SOS2: variants seen among roughly 807,000 people sequenced by gnomAD.
SOS2 encodes the protein son of sevenless homolog 2.
Under a neutral mutation model 148.2 loss-of-function variants are expected in SOS2, and 65 were observed. The observed-to-expected ratio is 0.44, with a 90% confidence interval of 0.36 to 0.54. The LOEUF (loss-of-function observed/expected upper bound fraction) is 0.54. Among genes scored for constraint, SOS2 ranks in the 20% least tolerant of loss-of-function variants. SOS2 has a pLI of 0.00. For synonymous variants in SOS2, 539 were observed against 537.1 expected (o/e 1.00, Z -0.05); for missense variants, 1,341 against 1,590.2 (o/e 0.84, Z 2.67).
At chr14:50,212,470 C>T (rs1052384421) in intron 1 of SOS2, among the ~76,000 whole-genome samples, 13 of 152,160 alleles carry the variant, frequency 8.5e-5, no homozygotes, top group African/African-American at 2.9e-4. Flanking sequence ...GAGACTCCGT[C>T]TCAAAAAGAA....
intron 21 of SOS2, among the ~76,000 whole-genome samples, chr14:50,121,527 GGGGA>G (rs201629812): frequency 0.44 from 29,903 of 68,280 alleles, 7,238 homozygotes; most frequent in East Asian, 0.66. Flanking sequence ...TTACTTCCTG[GGGGA>G]GGGGGGGGAG....
In SOS2 at chr14:50,205,344, C is replaced by A. The variant is rs189265097; in HGVS notation, c.88-935G>T. The stretch of plus-strand genomic sequence containing the variant: ...TGAGATTATAGCATGAGCCACTGCA[C>A]CCAGCCTGCTTTAACTTTTTATGCC... On this transcript the variant is annotated intron_variant, in intron 1 of 22. Coordinates refer to ENST00000216373, the MANE Select transcript of SOS2 (RefSeq NM_006939.4). 1.1e-4 allele frequency among the ~76,000 whole-genome samples: 17 copies of A among 152,242 alleles called. No homozygotes were observed. The East Asian group carries it at 3.1e-3, about 28-fold the overall frequency.
At chr14:50,125,662 A>G (rs1469907221) in intron 21 of SOS2, among the ~76,000 whole-genome samples, 1 of 152,160 alleles carries the variant, frequency 6.6e-6, no homozygotes, top group Admixed American at 6.5e-5. Context: ...AGAACCAAAT[A>G]AGGATTCAGG....
chr14:50,228,716 T>C (rs1397059488), intron 1 of SOS2, among the ~76,000 whole-genome samples: 1 of 152,220 alleles, frequency 6.6e-6, no homozygotes, highest in Non-Finnish European at 1.5e-5. Context: ...CTTACTGAAC[T>C]CTGAGCTCAG....
In SOS2 at chr14:50,150,030, G is replaced by C. The variant is rs771681478; in HGVS notation, c.2362C>G (p.Leu788Val). Residue 788 changes from leucine to valine, a missense_variant, in exon 14 of 23, where the codon CTT (leucine) becomes GTT (valine). Leu to Val is a conservative substitution (Grantham distance 32). Transcript: ENST00000216373. Reference protein sequence around the residue: ...HPIEIARQLTLLESDLYRKVQ... With the variant: ...HPIEIARQLTVLESDLYRKVQ... ...TACCTGTAAAGATCAGACTCCAAAA[G>C]TGTCAGCTGACGTGCAATTTCTATT... is the stretch of plus-strand genomic sequence containing the variant. 6.2e-7 allele frequency: 1 copy of C among 1,611,036 alleles called. No individual in the cohort carries two copies. The highest frequency in any genetic ancestry group is 1.7e-5 in the Admixed American group (1 of 60,000).
Position 50,159,956 on chromosome 14 carries a change from T to G in SOS2, c.1327A>C (p.Ile443Leu), listed in dbSNP as rs1046033964. 2 of 1,614,072 alleles carry G rather than the reference T, an allele frequency of 1.2e-6. No individual in the cohort carries two copies. The highest frequency in any genetic ancestry group is 8.5e-7 in the Non-Finnish European group (1 of 1,180,032). Residue 443 changes from isoleucine to leucine, a missense_variant, in exon 10 of 23, where the codon ATT becomes CTT. Ile to Leu is a conservative substitution (Grantham distance 5, BLOSUM62 2). Coordinates refer to ENST00000216373, the MANE Select transcript of SOS2 (RefSeq NM_006939.4). Reference sequence around the variant, plus strand: ...ATTCTTGTCAATGGTCCCTCCATAATGAATTCATTACAACACTGTCCAATA... The same window carrying G: ...ATTCTTGTCAATGGTCCCTCCATAAGGAATTCATTACAACACTGTCCAATA... ...KDIGQCCNEF[I>L]MEGPLTRIGA...
rs769199372 is a variant in SOS2, at chr14:50,134,230, C to G, written c.2968G>C (p.Glu990Gln). 1.3e-6 allele frequency: 2 copies of G among 1,495,036 alleles called. No homozygotes were observed. The highest frequency in any genetic ancestry group is 4.5e-5 in the East Asian group (2 of 44,144). The allele number at this position is 1,495,036 out of a possible 1,614,324, so 92.6% of individuals were successfully genotyped here. Residue 990 changes from glutamate (E) to glutamine (Q), a missense_variant, in exon 19 of 23, where the codon GAA (glutamate) becomes CAA (glutamine). Coordinates refer to ENST00000216373, the MANE Select transcript of SOS2 (RefSeq NM_006939.4). ...RIEPDMRRFF[E>Q]NLNPMGSASE... ...GCACTTCCCATGGGGTTAAGGTTTTCAAAGAATCTCTGGAATTAAACAAAT... is the reference window on the plus strand; with the variant it reads ...GCACTTCCCATGGGGTTAAGGTTTTGAAAGAATCTCTGGAATTAAACAAAT...
Position 50,161,212 on chromosome 14 carries a change from G to A in SOS2, c.1196+270C>T, listed in dbSNP as rs1348353912. ...GGAGGCGAAGGCAGGAGAATCATTG[G>A]AACGCAGGAGGCTAAGGCTGCAGGT... On this transcript the variant is annotated intron_variant, in intron 9 of 22. Coordinates refer to ENST00000216373, the MANE Select transcript of SOS2 (RefSeq NM_006939.4). Among the ~76,000 whole-genome samples the A allele has an allele frequency of 2.0e-5, 3 of 146,996 alleles. No individual in the cohort carries two copies. In the East Asian group the frequency reaches 6.1e-4, roughly 30 times the overall value.
At chr14:50,217,546 T>A (rs1887070706) in intron 1 of SOS2, among the ~76,000 whole-genome samples, 1 of 151,768 alleles carries the variant, frequency 6.6e-6, no homozygotes, top group Admixed American at 6.6e-5. Context: ...TTTTGAAAAT[T>A]AAAATAAATA....
chr14:50,171,114 C>CAA lies in SOS2; in HGVS notation c.1068+3338_1068+3339dup, dbSNP rs61570128. The stretch of plus-strand genomic sequence containing the variant: ...GGGCAACAAGAGTGAAACTCCATCT[C>CAA]AAAAAAAAAAAAGAAAAAGAAAAAG... On this transcript the variant is annotated intron_variant, in intron 8 of 22. Transcript: ENST00000216373. Among the ~76,000 whole-genome samples the CAA allele has an allele frequency of 9.8e-3, 1,263 of 129,400 alleles. 10 individuals are homozygous for CAA. The highest frequency in any genetic ancestry group is 0.015 in the Non-Finnish European group (914 of 59,680). 84.9% of individuals were successfully genotyped at this position (129,400 alleles called of 152,430 possible).
chr14:50,176,182 A>G (rs1309784860), intron 7 of SOS2, among the ~76,000 whole-genome samples: 2 of 152,240 alleles, frequency 1.3e-5, no homozygotes, highest in Non-Finnish European at 1.5e-5. Context: ...AGAAAGCACC[A>G]TCTATGAACC....
intron 1 of SOS2, among the ~76,000 whole-genome samples, chr14:50,227,917 TAAGC>T (rs893166445): frequency 8.5e-5 from 13 of 152,140 alleles, no homozygotes; most frequent in African/African-American, 3.1e-4. Flanking sequence ...AACTGGAAAA[TAAGC>T]AAAAGAATAC....
chr14:50,168,682 G>C (rs185553895), intron 8 of SOS2, among the ~76,000 whole-genome samples: 1 of 151,950 alleles, frequency 6.6e-6, no homozygotes. Context: ...ATGCCGTTTC[G>C]TGATACTGTT....
At chr14:50,149,512 G>A (rs991068429) in intron 14 of SOS2, among the ~76,000 whole-genome samples, 4 of 152,264 alleles carry the variant, frequency 2.6e-5, no homozygotes, top group African/African-American at 9.6e-5. Flanking sequence ...ATTGGGAGGA[G>A]GGGAAAACAG....
rs1594993546 is a variant in SOS2, at chr14:50,174,583, T to C, written c.970-31A>G. On this transcript the variant is annotated intron_variant, in intron 7 of 22. Coordinates refer to ENST00000216373, the MANE Select transcript of SOS2 (RefSeq NM_006939.4). ...AAGCAAAAAGATATCACAGTATGTA[T>C]GTCTCTGACATCAAGGATATGCAAC... 3.7e-6 allele frequency: 5 copies of C among 1,341,718 alleles called. No individual in the cohort carries two copies. In the Middle Eastern group the frequency reaches 5.4e-4, roughly 146 times the overall value. The allele number at this position is 1,341,718 out of a possible 1,614,324, so 83.1% of individuals were successfully genotyped here.
At chr14:50,150,337 G>A in intron 13 of SOS2, 107 bp from the exon 14 acceptor site, 1 of 753,084 alleles carries the variant, frequency 1.3e-6, no homozygotes, top group Admixed American at 2.2e-5. Flanking sequence ...ACCAACTCAT[G>A]GCCAATTTTT....
At chr14:50,209,281 G>A (rs2139813433) in intron 1 of SOS2, among the ~76,000 whole-genome samples, 1 of 71,344 alleles carries the variant, frequency 1.4e-5, no homozygotes, top group African/African-American at 1.3e-4. Context: ...TGTCGTGTGT[G>A]TGTGTGTGTG....
rs2139510050 is a variant in SOS2, at chr14:50,129,955, A to G, written c.3379+6T>C. On this transcript the variant is annotated splice_donor_region_variant and intron_variant, in intron 21 of 22. Transcript: ENST00000216373. Reference sequence around the variant, plus strand: ...TTCATTAAGAATCAACTTAAATTATACTTACTTGAATGTGGCAAAAGCACT... The same window carrying G: ...TTCATTAAGAATCAACTTAAATTATGCTTACTTGAATGTGGCAAAAGCACT... The G allele has an allele frequency of 1.9e-6, 3 of 1,546,758 alleles. No homozygotes were observed. The highest frequency in any genetic ancestry group is 1.7e-4 in the Middle Eastern group (1 of 5,926).
chr14:50,212,388 C>T (rs963967056), intron 1 of SOS2, among the ~76,000 whole-genome samples: 4 of 152,162 alleles, frequency 2.6e-5, no homozygotes, highest in African/African-American at 4.8e-5. Flanking sequence ...GCAGGAGAAT[C>T]GCTTGAACCC....
Sources: gnomAD v4.1 joint callset for allele counts (sites outside exome capture counted in the v4.1 genomes callset) on GRCh38, gnomAD v4.1.1 for gene constraint, MANE v1.5 for transcripts, NCBI Gene and HGNC (gene_info 2026-07-23, HGNC 2026-07-21) for gene names.